RBFOX1: variants seen among roughly 807,000 people sequenced by gnomAD.
RBFOX1 encodes RNA binding protein fox-1 homolog 1.
RBFOX1 carries 8 observed loss-of-function variants against 57.7 expected under a neutral mutation model. The observed-to-expected ratio is 0.14, with a 90% CI of 0.08 to 0.25. The LOEUF is 0.25. Ranked by LOEUF, RBFOX1 falls within the 10% of genes least tolerant of loss-of-function variation. RBFOX1 has a pLI of 1.00. For synonymous variants in RBFOX1, 326 were observed against 222.4 expected (o/e 1.47, Z -4.15); for missense variants, 611 against 548.5 (o/e 1.11, Z -1.14).
At chr16:6,500,099 G>C (rs1030989379) in intron 2 of RBFOX1, among the ~76,000 whole-genome samples, 1 of 152,142 alleles carries the variant, frequency 6.6e-6, no homozygotes, top group African/African-American at 2.4e-5. Flanking sequence ...TAAAAAACAA[G>C]TTGAAGGAGC....
intron 3 of RBFOX1, among the ~76,000 whole-genome samples, chr16:5,777,276 C>G (rs1016968485): frequency 7.9e-5 from 12 of 152,304 alleles, no homozygotes; most frequent in Middle Eastern, 3.4e-3. Context: ...CCTTCATAGT[C>G]AGCAACAGAT....
chr16:7,471,098 T>C (rs1438549118), intron 4 of RBFOX1, among the ~76,000 whole-genome samples: 1 of 152,174 alleles, frequency 6.6e-6, no homozygotes, highest in African/African-American at 2.4e-5. Flanking sequence ...CCAGTCTCTC[T>C]ATAAAGATAA....
At chr16:5,905,950 A>G (rs1343336753) in intron 4 of RBFOX1, among the ~76,000 whole-genome samples, 1 of 152,180 alleles carries the variant, frequency 6.6e-6, no homozygotes, top group Non-Finnish European at 1.5e-5. Flanking sequence ...TGTAGTGGGA[A>G]TTGGCTGCCC....
At chr16:7,368,606 C>A (rs902555817) in intron 4 of RBFOX1, among the ~76,000 whole-genome samples, 31 of 151,692 alleles carry the variant, frequency 2.0e-4, no homozygotes, top group African/African-American at 6.5e-4. Context: ...GTGAAACCCC[C>A]TGTCTACTAA....
intron 4 of RBFOX1, among the ~76,000 whole-genome samples, chr16:7,516,205 G>T (rs1224132989): frequency 2.6e-5 from 4 of 152,104 alleles, no homozygotes; most frequent in Admixed American, 2.6e-4. Context: ...CATCACCGTG[G>T]AAAGAGAACT....
intron 3 of RBFOX1, among the ~76,000 whole-genome samples, chr16:6,794,964 C>G (rs990782338): frequency 6.6e-5 from 10 of 152,112 alleles, no homozygotes; most frequent in African/African-American, 2.4e-4. Context: ...CCCTAAATCA[C>G]CAGTTTTTAA....
intron 3 of RBFOX1, among the ~76,000 whole-genome samples, chr16:6,928,010 AC>A (rs1440491850): frequency 1.3e-5 from 2 of 151,938 alleles, no homozygotes; most frequent in Admixed American, 1.3e-4. Context: ...GCTGGCTTCC[AC>A]CCCCAGCACC....
At chr16:5,877,794 G>A (rs2151912792) in intron 4 of RBFOX1, among the ~76,000 whole-genome samples, 1 of 152,338 alleles carries the variant, frequency 6.6e-6, no homozygotes, top group East Asian at 1.9e-4. Context: ...TTTAGAAATA[G>A]GGTGGTAACT....
chr16:7,547,377 C>A (rs2084870670), intron 5 of RBFOX1, among the ~76,000 whole-genome samples: 1 of 152,164 alleles, frequency 6.6e-6, no homozygotes, highest in Non-Finnish European at 1.5e-5. Context: ...ACCACAGTTT[C>A]TGCAAACATA....
chr16:5,246,198 C>T (rs976536081), intron 1 of RBFOX1, among the ~76,000 whole-genome samples: 6 of 152,162 alleles, frequency 3.9e-5, no homozygotes, highest in Non-Finnish European at 5.9e-5. Context: ...GCCGAGATCG[C>T]GCCACTGCAC....
intron 3 of RBFOX1, among the ~76,000 whole-genome samples, chr16:6,973,374 T>G (rs1001321419): frequency 1.3e-5 from 2 of 152,180 alleles, no homozygotes; most frequent in African/African-American, 4.8e-5. Context: ...ATTTCAGAGA[T>G]AATTCAACTA....
At chr16:7,694,636 C>A (rs534368968) in intron 14 of RBFOX1, among the ~76,000 whole-genome samples, 1 of 152,318 alleles carries the variant, frequency 6.6e-6, no homozygotes, top group Admixed American at 6.5e-5. Context: ...CTCTGCTTCT[C>A]ATTGTGAGAG....
intron 3 of RBFOX1, among the ~76,000 whole-genome samples, chr16:5,853,622 C>T (rs1178806867): frequency 1.3e-5 from 2 of 152,194 alleles, no homozygotes; most frequent in Admixed American, 6.5e-5. Context: ...TTTGAATGAG[C>T]CCTCAGAAAA....
intron 4 of RBFOX1, among the ~76,000 whole-genome samples, chr16:7,086,911 G>A (rs1179939281): frequency 2.0e-5 from 3 of 152,096 alleles, no homozygotes; most frequent in South Asian, 2.1e-4. Context: ...GGCTTCTGAC[G>A]GCCCATCCCC....
At chr16:7,185,398 G>C (rs933365450) in intron 4 of RBFOX1, among the ~76,000 whole-genome samples, 3 of 152,170 alleles carry the variant, frequency 2.0e-5, no homozygotes, top group African/African-American at 2.4e-5. Context: ...ATTTGACAGA[G>C]ATGGATTACA....
chr16:6,024,202 A>G (rs1490132088), intron 1 of RBFOX1, among the ~76,000 whole-genome samples: 1 of 152,180 alleles, frequency 6.6e-6, no homozygotes, highest in Admixed American at 6.5e-5. Flanking sequence ...GGCTAATGCA[A>G]GAAATATTTA....
chr16:6,699,219 T>C (rs759464475), intron 3 of RBFOX1, among the ~76,000 whole-genome samples: 1 of 152,174 alleles, frequency 6.6e-6, no homozygotes, highest in Non-Finnish European at 1.5e-5. Flanking sequence ...GGACTACTGT[T>C]CTGGGACCAC....
At chr16:6,559,309 T>G (rs2097147840) in intron 2 of RBFOX1, among the ~76,000 whole-genome samples, 1 of 152,084 alleles carries the variant, frequency 6.6e-6, no homozygotes, top group South Asian at 2.1e-4. Context: ...AGTCTATTTC[T>G]CTCACATATA....
intron 3 of RBFOX1, among the ~76,000 whole-genome samples, chr16:5,738,345 G>C (rs2052653212): frequency 6.6e-6 from 1 of 151,800 alleles, no homozygotes; most frequent in African/African-American, 2.4e-5. Flanking sequence ...TCTAAAGAAA[G>C]TATAGCCCAG....
Sources: gnomAD v4.1 joint callset for allele counts (sites outside exome capture counted in the v4.1 genomes callset) on GRCh38, gnomAD v4.1.1 for gene constraint, MANE v1.5 for transcripts, NCBI Gene and HGNC (gene_info 2026-07-23, HGNC 2026-07-21) for gene names.